KRIT1: variants seen among roughly 807,000 people sequenced by gnomAD.
KRIT1 encodes krev interaction trapped protein 1.
Under a neutral mutation model 95.8 loss-of-function variants are expected in KRIT1, and 45 were observed. The observed-to-expected ratio is 0.47, with a 90% CI of 0.37 to 0.60. The LOEUF is 0.60. Ranked by LOEUF, KRIT1 falls within the 20% of genes least tolerant of loss-of-function variation. The pLI, the probability that KRIT1 is intolerant of heterozygous loss-of-function variation, is 0.00. For synonymous variants in KRIT1, 282 were observed against 278.8 expected (o/e 1.01, Z -0.11); for missense variants, 788 against 877.5 (o/e 0.90, Z 1.29).
In KRIT1 at chr7:92,241,129, A is replaced by G. The variant is rs1293064262; in HGVS notation, c.126T>C (p.Ile42=). ...TCTTTCTCTTTTTTTTCTGTCCTTC[A>G]ATGGGAACTTCATGCAACAAAATCT... The part of the protein sequence containing the change: ...SYEILLHEVP[I]EGQKKKRKKV... Residue 42 remains isoleucine, a synonymous_variant, in exon 5 of 19, where the codon ATT becomes ATC. Transcript: ENST00000394505. 9.3e-6 allele frequency: 15 copies of G among 1,610,404 alleles called. No homozygotes were observed. Among genetic ancestry groups the G allele is most frequent in the Non-Finnish European group, 8.5e-7 (1 of 1,177,054 alleles).
rs1331210405 is a variant in KRIT1 at position 92,213,976 on chromosome 7, T to C, written c.1734A>G (p.Glu578=). 1 of 1,594,426 alleles carries C rather than the reference T, an allele frequency of 6.3e-7. No homozygotes were observed. Residue 578 remains glutamate, a synonymous_variant, in exon 16 of 19, where the codon GAA becomes GAG. Transcript: ENST00000394505. The stretch of plus-strand genomic sequence containing the variant: ...CAGGTACGATGGATTTTAGATTTTC[T>C]TCACTGTAAGCACACATGCCAACAT... ...SKKHKQGFLN[E]ENLKSIVPVT... is the part of the protein sequence containing the mutation.
At position 92,201,739 on chromosome 7, in the gene KRIT1, A is replaced by T. The variant is rs191336077; in HGVS notation, c.2026-316T>A. 2.1e-3 allele frequency among the ~76,000 whole-genome samples: 325 copies of T among 152,074 alleles called. 4 individuals carry two copies. The highest frequency in any genetic ancestry group is 7.2e-3 in the African/African-American group (300 of 41,472). On this transcript the variant is annotated intron_variant, in intron 17 of 18. Transcript: ENST00000394505. ...TGTGATGTTCCCCTCCCTGCGTCCA[A>T]GTATTCCTCATTGTTCAACTCCCAC... is the stretch of plus-strand genomic sequence containing the variant.
At chr7:92,212,927 T>C (rs1316741697) in intron 17 of KRIT1, among the ~76,000 whole-genome samples, 1 of 152,222 alleles carries the variant, frequency 6.6e-6, no homozygotes, top group Non-Finnish European at 1.5e-5. Flanking sequence ...TTCAGCACCT[T>C]GCTTTTTCAT....
chr7:92,202,482 T>C (rs1181714427), intron 17 of KRIT1: 3 of 152,242 alleles, frequency 2.0e-5, no homozygotes, highest in East Asian at 3.8e-4. Context: ...ACATGTATTA[T>C]TTGTGTACAT....
chr7:92,211,248 T>C (rs1404783691), intron 17 of KRIT1, among the ~76,000 whole-genome samples: 1 of 152,122 alleles, frequency 6.6e-6, no homozygotes, highest in African/African-American at 2.4e-5. Flanking sequence ...CTATTCACAA[T>C]AGCAAAGATA....
Position 92,235,960 on chromosome 7 carries a change from A to C in KRIT1, c.486-314T>G, listed in dbSNP as rs1230560924. 1.1e-5 allele frequency: 3 copies of C among 262,834 alleles called. No homozygotes were observed. In the East Asian group the frequency reaches 2.9e-4, roughly 25 times the overall value. The allele number at this position is 262,834 out of a possible 1,614,324, so 16.3% of individuals were successfully genotyped here. A position where few individuals can be genotyped will look rare whatever the true frequency, so the allele number is the denominator to read the frequency against. The stretch of plus-strand genomic sequence containing the variant: ...TAATAAAAGTTTTGTTAATGGATAC[A>C]GCAAATAAATTTTTTAAATGTATGT... On this transcript the variant is annotated intron_variant, in intron 7 of 18. Coordinates refer to ENST00000394505, the MANE Select transcript of KRIT1 (RefSeq NM_194454.3).
chr7:92,244,321 A>G (rs368575354), intron 2 of KRIT1, among the ~76,000 whole-genome samples, 172 bp from the exon 3 acceptor site: 2 of 152,228 alleles, frequency 1.3e-5, no homozygotes, highest in African/African-American at 2.4e-5. Context: ...ACTCATGTTA[A>G]GAAAACATTT....
intron 10 of KRIT1, 43 bp from the exon 11 acceptor site, chr7:92,226,725 A>C (rs77594840): frequency 6.3e-7 from 1 of 1,580,488 alleles, no homozygotes; most frequent in South Asian, 1.1e-5. Context: ...AACAAAAAAA[A>C]CTTACCTAAA....
chr7:92,235,766 TAATTTA>T, intron 7 of KRIT1, 120 bp from the exon 8 acceptor site: 2 of 903,166 alleles, frequency 2.2e-6, no homozygotes, highest in Admixed American at 4.6e-5. Flanking sequence ...TTTATAATTT[TAATTTA>T]GTGTTAGTTA....
chr7:92,242,253 A>G, intron 3 of KRIT1, 116 bp from the exon 4 acceptor site: 1 of 685,602 alleles, frequency 1.5e-6, no homozygotes, highest in Non-Finnish European at 2.6e-6. Context: ...AATCATGTCG[A>G]AAAAATTAAA....
downstream of KRIT1, chr7:92,199,129 T>C (rs1288394954): frequency 1.3e-5 from 2 of 152,196 alleles, no homozygotes; most frequent in Admixed American, 6.5e-5. Context: ...AAGTTGAGGC[T>C]AAAATCTTAG....
intron 17 of KRIT1, among the ~76,000 whole-genome samples, chr7:92,208,415 C>A (rs894265925): frequency 1.1e-4 from 17 of 151,276 alleles, no homozygotes; most frequent in African/African-American, 1.7e-4. Flanking sequence ...TACAAAGGAT[C>A]AACAAAACGA....
intron 14 of KRIT1, among the ~76,000 whole-genome samples, 180 bp downstream of exon 14, chr7:92,221,721 TG>T (rs1478805643): frequency 6.6e-6 from 1 of 152,004 alleles, no homozygotes; most frequent in Non-Finnish European, 1.5e-5. Flanking sequence ...ACAATGGGAG[TG>T]GAAATGAAAA....
intron 17 of KRIT1, among the ~76,000 whole-genome samples, chr7:92,203,471 G>A (rs923654830): frequency 6.6e-6 from 1 of 152,112 alleles, no homozygotes; most frequent in African/African-American, 2.4e-5. Flanking sequence ...GATACCCAAG[G>A]ATAGCATTTC....
chr7:92,237,771 TAAA>T lies in KRIT1; in HGVS notation c.263-15_263-13del. Reference sequence around the variant, plus strand: ...TACAACTCGTTTTCCTAATCATTTTTAAAAAGTTAGCAAAACAAAAATAATACA... The same window carrying T: ...TACAACTCGTTTTCCTAATCATTTTTAAGTTAGCAAAACAAAAATAATACA... On this transcript the variant is annotated splice_polypyrimidine_tract_variant and intron_variant, in intron 5 of 18. Transcript: ENST00000394505. The T allele has an allele frequency of 1.4e-6, 2 of 1,466,616 alleles. No individual in the cohort carries two copies. The highest frequency in any genetic ancestry group is 1.9e-6 in the Non-Finnish European group (2 of 1,046,060). The allele number at this position is 1,466,616 out of a possible 1,614,324, so 90.9% of individuals were successfully genotyped here. A position where few individuals can be genotyped will look rare whatever the true frequency, so the allele number is the denominator to read the frequency against.
At chr7:92,226,967 C>T (rs778014714) in intron 10 of KRIT1, among the ~76,000 whole-genome samples, 55 of 152,234 alleles carry the variant, frequency 3.6e-4, no homozygotes, top group Middle Eastern at 3.4e-3. Flanking sequence ...AGAAACATCC[C>T]ATGTGTACTA....
intron 10 of KRIT1, among the ~76,000 whole-genome samples, chr7:92,231,023 C>T (rs1563291277): frequency 6.6e-6 from 1 of 152,088 alleles, no homozygotes; most frequent in Non-Finnish European, 1.5e-5. Flanking sequence ...GAAGCCAAAT[C>T]ATCACAGTTT....
chr7:92,221,871 A>C, intron 14 of KRIT1, 31 bp downstream of exon 14: 1 of 1,595,568 alleles, frequency 6.3e-7, no homozygotes, highest in Non-Finnish European at 8.6e-7. Flanking sequence ...TTGTGCATTT[A>C]AATAACTGTA....
Position 92,235,547 on chromosome 7 carries a change from A to C in KRIT1, c.585T>G (p.Tyr195Ter). ...RIKTNVINPA[Y>*]ATESGQTENS... Reference sequence around the variant, plus strand: ...TTTCTGTCTGACCTGATTCAGTAGCATATGCAGGATTTATGACATTAGTTT... The same window carrying C: ...TTTCTGTCTGACCTGATTCAGTAGCCTATGCAGGATTTATGACATTAGTTT... The change falls in exon 8 of 19, where the codon TAT becomes TAG. Residue 195 changes from tyrosine to a stop codon, truncating the protein, a stop_gained. Coordinates refer to ENST00000394505, the MANE Select transcript of KRIT1 (RefSeq NM_194454.3). LOFTEE classifies it high-confidence loss of function. The C allele has an allele frequency of 1.2e-6, 2 of 1,614,002 alleles. No homozygotes were observed. The highest frequency in any genetic ancestry group is 1.7e-6 in the Non-Finnish European group (2 of 1,179,912).
Sources: gnomAD v4.1 joint callset for allele counts (sites outside exome capture counted in the v4.1 genomes callset) on GRCh38, gnomAD v4.1.1 for gene constraint, MANE v1.5 for transcripts, NCBI Gene and HGNC (gene_info 2026-07-23, HGNC 2026-07-21) for gene names.